SLC71A1: variants seen among roughly 807,000 people sequenced by gnomAD.
SLC71A1 encodes the protein solute carrier family 71 member 1, also known as hippocampus abundant gene transcript 1.
the SLC71A1 span, chr1:100,077,144 ATCTT>A: frequency 9.4e-7 from 1 of 1,066,602 alleles, no homozygotes. Context: ...ATTCTGATAA[ATCTT>A]TTTTTTTTTT....
the SLC71A1 span, chr1:100,069,806 G>T: frequency 2.9e-6 from 2 of 696,628 alleles, no homozygotes; most frequent in Non-Finnish European, 5.1e-6. Flanking sequence ...AGGTTGATAG[G>T]TTCAGAAATT....
the SLC71A1 span, among the ~76,000 whole-genome samples, chr1:100,050,364 C>T: frequency 0.22 from 33,484 of 152,094 alleles, 5,096 homozygotes; most frequent in African/African-American, 0.43. Context: ...TGCAGCTGTA[C>T]TTTCCAAAAA....
chr1:100,076,753 A>G, the SLC71A1 span, among the ~76,000 whole-genome samples: 1 of 152,218 alleles, frequency 6.6e-6, no homozygotes, highest in African/African-American at 2.4e-5. Flanking sequence ...TAAATAATAT[A>G]TGGGTAATCA....
the SLC71A1 span, chr1:100,067,869 G>C: frequency 3.6e-6 from 3 of 823,588 alleles, no homozygotes; most frequent in Non-Finnish European, 6.1e-6. Flanking sequence ...AGAAAAGGGA[G>C]GGTGTGCAAC....
At chr1:100,068,982 CAAAATT>C in the SLC71A1 span, among the ~76,000 whole-genome samples, 1 of 151,930 alleles carries the variant, frequency 6.6e-6, no homozygotes, top group African/African-American at 2.4e-5. Flanking sequence ...AACTCCGTCT[CAAAATT>C]AAATAAATAA....
the SLC71A1 span, among the ~76,000 whole-genome samples, chr1:100,054,481 G>A: frequency 2.0e-5 from 3 of 152,040 alleles, no homozygotes; most frequent in African/African-American, 4.8e-5. Context: ...AAAGTGCTGG[G>A]ATTACAGGCG....
the SLC71A1 span, chr1:100,068,657 G>C: frequency 1.1e-6 from 1 of 912,658 alleles, no homozygotes; most frequent in Non-Finnish European, 1.8e-6. Flanking sequence ...ATTTAATCTT[G>C]AGAGAACTGT....
the SLC71A1 span, among the ~76,000 whole-genome samples, chr1:100,045,733 C>G: frequency 7.2e-6 from 1 of 138,496 alleles, no homozygotes; most frequent in African/African-American, 3.0e-5. Flanking sequence ...TTTTTTGAGA[C>G]AGAGTCTCGC....
the SLC71A1 span, among the ~76,000 whole-genome samples, chr1:100,048,741 C>T: frequency 6.6e-6 from 1 of 152,204 alleles, no homozygotes; most frequent in African/African-American, 2.4e-5. Context: ...TCACACTTGA[C>T]ACTCCTGATA....
chr1:100,065,055 G>A, the SLC71A1 span, among the ~76,000 whole-genome samples: 1 of 151,898 alleles, frequency 6.6e-6, no homozygotes, highest in African/African-American at 2.4e-5. Context: ...TGTATGTTTT[G>A]TAGTGATGGA....
the SLC71A1 span, among the ~76,000 whole-genome samples, chr1:100,072,272 C>T: frequency 6.6e-6 from 1 of 152,154 alleles, no homozygotes; most frequent in Non-Finnish European, 1.5e-5. Context: ...AATAGCTCTC[C>T]ATTAATGCAT....
At chr1:100,043,869 C>T in the SLC71A1 span, among the ~76,000 whole-genome samples, 1 of 152,242 alleles carries the variant, frequency 6.6e-6, no homozygotes, top group Non-Finnish European at 1.5e-5. Flanking sequence ...ATCCAAGTTT[C>T]TGCAAAAGAC....
the SLC71A1 span, chr1:100,082,237 C>G: frequency 6.4e-7 from 1 of 1,572,290 alleles, no homozygotes; most frequent in African/African-American, 1.3e-5. Context: ...ATTTTTCTAT[C>G]AGCACCCAGG....
At chr1:100,078,156 ATCC>A in the SLC71A1 span, among the ~76,000 whole-genome samples, 1 of 152,222 alleles carries the variant, frequency 6.6e-6, no homozygotes, top group Non-Finnish European at 1.5e-5. Flanking sequence ...ATTATACATT[ATCC>A]TCAATATAAC....
the SLC71A1 span, chr1:100,068,390 A>G: frequency 2.0e-6 from 2 of 1,025,264 alleles, no homozygotes; most frequent in East Asian, 2.4e-5. Flanking sequence ...TACACTGCCA[A>G]AAGGAATCTC....
At chr1:100,059,844 T>C in the SLC71A1 span, 136 of 1,570,026 alleles carry the variant, frequency 8.7e-5, no homozygotes, top group Non-Finnish European at 1.1e-4. Context: ...CTCATAGATG[T>C]GTGGTATTCA....
chr1:100,038,465 C>G, the SLC71A1 span: 5 of 677,898 alleles, frequency 7.4e-6, no homozygotes, highest in South Asian at 8.5e-5. Flanking sequence ...GTCGCGGACC[C>G]GCATGCCGCC....
the SLC71A1 span, among the ~76,000 whole-genome samples, chr1:100,072,789 C>T: frequency 8.8e-4 from 134 of 152,096 alleles, no homozygotes; most frequent in African/African-American, 3.0e-3. Context: ...TCCTGGGCAC[C>T]GGTACGTATA....
chr1:100,074,014 A>C, the SLC71A1 span, among the ~76,000 whole-genome samples: 4 of 152,228 alleles, frequency 2.6e-5, no homozygotes, highest in Non-Finnish European at 5.9e-5. Context: ...TTAAGAACTT[A>C]CTGGGTGCTG....
Sources: allele counts gnomAD v4.1 joint callset (sites outside exome capture counted in the v4.1 genomes callset), GRCh38; gene constraint gnomAD v4.1.1; transcripts MANE v1.5; gene names NCBI Gene and HGNC (gene_info 2026-07-23, HGNC 2026-07-21).